SDK1: variants seen among roughly 807,000 people sequenced by gnomAD.
The protein encoded by SDK1 is protein sidekick-1.
SDK1 carries 157 observed loss-of-function variants against 245.5 expected under a neutral mutation model. The ratio of observed to expected loss-of-function variants is 0.64; its 90% CI spans 0.56 to 0.73. The LOEUF is 0.73. SDK1 is among the 30% of genes least tolerant of loss of function. The pLI, the probability that SDK1 is intolerant of heterozygous loss-of-function variation, is 0.00. For missense variants in SDK1, 3,583 were observed against 3,002.3 expected (o/e 1.19, Z -4.52); for synonymous variants, 1,647 against 1,278.5 (o/e 1.29, Z -6.15).
intron 1 of SDK1, among the ~76,000 whole-genome samples, chr7:3,597,539 G>T (rs1781106628): frequency 6.6e-6 from 1 of 152,166 alleles, no homozygotes; most frequent in African/African-American, 2.4e-5. Context: ...AAGTGTTAGA[G>T]AGAACTTCCT....
intron 3 of SDK1, 49 bp from the exon 4 acceptor site, chr7:3,641,909 C>G (rs749330958): frequency 3.9e-5 from 60 of 1,537,740 alleles, no homozygotes; most frequent in Non-Finnish European, 5.2e-5. Flanking sequence ...CCCCTTCCCT[C>G]CCCCAAAAAT....
At chr7:4,262,284 G>A (rs1335775823) in intron 44 of SDK1, among the ~76,000 whole-genome samples, 1 of 151,384 alleles carries the variant, frequency 6.6e-6, no homozygotes, top group African/African-American at 2.4e-5. Flanking sequence ...GTGATCTGCC[G>A]ACCTCAGGTG....
chr7:3,530,304 A>G (rs905049578), intron 1 of SDK1, among the ~76,000 whole-genome samples: 3 of 152,188 alleles, frequency 2.0e-5, no homozygotes, highest in Non-Finnish European at 2.9e-5. Context: ...CATCTGTGGT[A>G]TCCTTCACAG....
chr7:3,702,987 G>C (rs943566310), intron 4 of SDK1, among the ~76,000 whole-genome samples: 3 of 145,088 alleles, frequency 2.1e-5, no homozygotes, highest in African/African-American at 5.1e-5. Context: ...TGCTGGTGGA[G>C]ATATAAATTG....
intron 1 of SDK1, among the ~76,000 whole-genome samples, chr7:3,342,797 A>G (rs1458756713): frequency 6.6e-6 from 1 of 152,176 alleles, no homozygotes; most frequent in Non-Finnish European, 1.5e-5. Flanking sequence ...CCAAGAGACT[A>G]ATACCTAGAA....
intron 4 of SDK1, among the ~76,000 whole-genome samples, chr7:3,811,340 A>C (rs1779377977): frequency 6.6e-6 from 1 of 152,154 alleles, no homozygotes; most frequent in South Asian, 2.1e-4. Flanking sequence ...ATTAAGACAG[A>C]ATATCATGGT....
At chr7:3,664,632 T>G (rs6462218) in intron 4 of SDK1, among the ~76,000 whole-genome samples, 1 of 151,012 alleles carries the variant, frequency 6.6e-6, no homozygotes, top group African/African-American at 2.4e-5. Flanking sequence ...CCCAGCTGCT[T>G]GGAAGGCTGA....
intron 1 of SDK1, among the ~76,000 whole-genome samples, chr7:3,510,073 C>T (rs932745169): frequency 2.0e-5 from 3 of 152,168 alleles, no homozygotes; most frequent in African/African-American, 7.2e-5. Flanking sequence ...AGGGGGCTCC[C>T]TTATTCTCTT....
intron 44 of SDK1, among the ~76,000 whole-genome samples, chr7:4,252,063 T>C (rs1171072518): frequency 1.3e-5 from 2 of 152,196 alleles, no homozygotes; most frequent in East Asian, 3.8e-4. Context: ...TCCTTTCTCT[T>C]TTTTTTATTA....
At chr7:3,479,981 T>A (rs1237933659) in intron 1 of SDK1, among the ~76,000 whole-genome samples, 6 of 152,188 alleles carry the variant, frequency 3.9e-5, no homozygotes, top group Admixed American at 6.5e-5. Flanking sequence ...ATAGGCAGAA[T>A]AATGCCCCCT....
intron 22 of SDK1, among the ~76,000 whole-genome samples, chr7:4,081,312 A>T (rs1352980475): frequency 6.6e-6 from 1 of 152,096 alleles, no homozygotes; most frequent in African/African-American, 2.4e-5. Context: ...AGAGTCTGAG[A>T]GTGTTGCATT....
chr7:4,126,434 C>A (rs1428499069), intron 25 of SDK1, among the ~76,000 whole-genome samples: 1 of 152,226 alleles, frequency 6.6e-6, no homozygotes, highest in Non-Finnish European at 1.5e-5. Flanking sequence ...AATGATCTTA[C>A]ATGTGGGCCG....
At chr7:3,506,120 C>G (rs902255832) in intron 1 of SDK1, among the ~76,000 whole-genome samples, 2 of 152,044 alleles carry the variant, frequency 1.3e-5, no homozygotes. Context: ...ACAACACTTT[C>G]TCTTTGCCAA....
chr7:3,986,180 G>C (rs540934649), intron 13 of SDK1, among the ~76,000 whole-genome samples: 3 of 147,586 alleles, frequency 2.0e-5, no homozygotes, highest in Non-Finnish European at 4.5e-5. Flanking sequence ...TTTGTCACTG[G>C]TTAAGTCCCA....
chr7:3,691,619 C>T (rs12701045), intron 4 of SDK1, among the ~76,000 whole-genome samples: 125,005 of 152,190 alleles, frequency 0.82, 51,490 homozygotes, highest in Non-Finnish European at 0.85. Context: ...TGATTATCTA[C>T]CATGATGCAT....
chr7:3,618,634 G>A (rs1202372066), intron 1 of SDK1, among the ~76,000 whole-genome samples: 2 of 152,178 alleles, frequency 1.3e-5, no homozygotes, highest in African/African-American at 4.8e-5. Flanking sequence ...GATTCATGTC[G>A]TTTATGTATG....
chr7:3,812,059 T>G (rs1050402200), intron 4 of SDK1, among the ~76,000 whole-genome samples: 2 of 152,224 alleles, frequency 1.3e-5, no homozygotes, highest in African/African-American at 4.8e-5. Context: ...TTTGCAGCTC[T>G]TGCCAGTAAG....
chr7:4,072,257 G>T (rs1780299983), intron 20 of SDK1, among the ~76,000 whole-genome samples: 4 of 152,230 alleles, frequency 2.6e-5, no homozygotes, highest in African/African-American at 9.6e-5. Context: ...GTCAGGGGCA[G>T]CAAAGTTGCA....
chr7:3,375,057 T>G (rs1781319560), intron 1 of SDK1, among the ~76,000 whole-genome samples: 1 of 152,242 alleles, frequency 6.6e-6, no homozygotes, highest in Non-Finnish European at 1.5e-5. Flanking sequence ...CAAGTATTAG[T>G]TGAATAACGT....
Sources: gnomAD v4.1 joint callset for allele counts (sites outside exome capture counted in the v4.1 genomes callset) on GRCh38, gnomAD v4.1.1 for gene constraint, MANE v1.5 for transcripts, NCBI Gene and HGNC (gene_info 2026-07-23, HGNC 2026-07-21) for gene names.